The following TENM3 variants were observed in gnomAD, a reference collection of about 807,000 sequenced individuals.
TENM3 encodes teneurin transmembrane protein 3, also known as teneurin-3.
In TENM3, 63 loss-of-function variants were observed where a neutral mutation model predicts 255.1. The ratio of observed to expected loss-of-function variants is 0.25; its 90% CI spans 0.20 to 0.30. The LOEUF is 0.30. Ranked by LOEUF, TENM3 falls within the 10% of genes least tolerant of loss-of-function variation. TENM3 has a pLI of 1.00. For missense variants in TENM3, 2,929 were observed against 3,461.1 expected (o/e 0.85, Z 3.86); for synonymous variants, 1,306 against 1,322.3 (o/e 0.99, Z 0.27).
At chr4:182,520,586 T>C (rs1738470763) in intron 3 of TENM3, among the ~76,000 whole-genome samples, 3 of 152,228 alleles carry the variant, frequency 2.0e-5, no homozygotes, top group Admixed American at 2.0e-4. Context: ...CATTAAATTA[T>C]TCCTGCTAAG....
the TENM3 span, among the ~76,000 whole-genome samples, chr4:182,036,354 C>T: frequency 6.6e-6 from 1 of 152,140 alleles, no homozygotes; most frequent in African/African-American, 2.4e-5. Context: ...CCATGCCCGG[C>T]TAATTTTTGT....
chr4:181,636,350 G>C, the TENM3 span, among the ~76,000 whole-genome samples: 1 of 152,074 alleles, frequency 6.6e-6, no homozygotes, highest in African/African-American at 2.4e-5. Context: ...GCCATTTCTT[G>C]CTCTTCAGGC....
the TENM3 span, among the ~76,000 whole-genome samples, chr4:181,853,438 CTA>C: frequency 6.6e-6 from 1 of 152,150 alleles, no homozygotes; most frequent in Non-Finnish European, 1.5e-5. Context: ...ATAAATGATC[CTA>C]TAACATTTGC....
chr4:181,650,544 G>T, the TENM3 span, among the ~76,000 whole-genome samples: 2 of 152,108 alleles, frequency 1.3e-5, no homozygotes, highest in South Asian at 4.1e-4. Context: ...AGTTGTCATG[G>T]CTACAATCAC....
At chr4:182,332,318 T>G (rs1763810405) in intron 2 of TENM3, among the ~76,000 whole-genome samples, 1 of 152,042 alleles carries the variant, frequency 6.6e-6, no homozygotes, top group Admixed American at 6.6e-5. Context: ...TGGGAGACAG[T>G]GAAAGTCATA....
chr4:182,404,519 G>C (rs995856778), intron 3 of TENM3, among the ~76,000 whole-genome samples: 1 of 152,172 alleles, frequency 6.6e-6, no homozygotes, highest in Admixed American at 6.5e-5. Context: ...GAAGTTGACA[G>C]TGTATGCCTA....
chr4:181,782,014 G>T, the TENM3 span, among the ~76,000 whole-genome samples: 1 of 152,064 alleles, frequency 6.6e-6, no homozygotes, highest in Non-Finnish European at 1.5e-5. Context: ...TGCTGGATTC[G>T]GTTTGCCAGT....
intron 3 of TENM3, among the ~76,000 whole-genome samples, chr4:182,598,638 T>C (rs988255892): frequency 2.6e-5 from 4 of 152,244 alleles, no homozygotes; most frequent in Non-Finnish European, 5.9e-5. Flanking sequence ...TGCTTTATTT[T>C]ACCATTTACA....
At chr4:182,529,871 C>T (rs1057173678) in intron 3 of TENM3, among the ~76,000 whole-genome samples, 10 of 152,094 alleles carry the variant, frequency 6.6e-5, no homozygotes, top group Non-Finnish European at 1.3e-4. Context: ...CTTGTGTACA[C>T]GTGCCAAATG....
the TENM3 span, among the ~76,000 whole-genome samples, chr4:181,579,456 C>T: frequency 1.3e-5 from 2 of 152,156 alleles, no homozygotes; most frequent in African/African-American, 2.4e-5. Flanking sequence ...ACTATCTCTT[C>T]TGAGAAAATT....
chr4:182,235,859 G>A (rs945790172), intron 1 of TENM3, among the ~76,000 whole-genome samples: 1 of 152,232 alleles, frequency 6.6e-6, no homozygotes, highest in Admixed American at 6.5e-5. Flanking sequence ...CCTACCATGT[G>A]TAAGCACTGC....
At chr4:181,985,610 A>G in the TENM3 span, among the ~76,000 whole-genome samples, 1 of 152,136 alleles carries the variant, frequency 6.6e-6, no homozygotes, top group African/African-American at 2.4e-5. Context: ...GAGCAATGGG[A>G]GTAAACCTCA....
At chr4:182,078,919 G>A in the TENM3 span, among the ~76,000 whole-genome samples, 4 of 152,186 alleles carry the variant, frequency 2.6e-5, no homozygotes, top group African/African-American at 7.2e-5. Flanking sequence ...CAGGTGCCCA[G>A]ACCTACTCTT....
the TENM3 span, among the ~76,000 whole-genome samples, chr4:181,517,410 G>C: frequency 6.6e-6 from 1 of 152,282 alleles, no homozygotes; most frequent in African/African-American, 2.4e-5. Context: ...ACCCATAAAA[G>C]GTGGGGACAG....
At chr4:181,951,081 A>G in the TENM3 span, among the ~76,000 whole-genome samples, 2 of 152,172 alleles carry the variant, frequency 1.3e-5, no homozygotes, top group Admixed American at 1.3e-4. Flanking sequence ...AATAAAGAAG[A>G]TACAGCCATA....
chr4:181,708,530 G>A, the TENM3 span, among the ~76,000 whole-genome samples: 20 of 151,570 alleles, frequency 1.3e-4, no homozygotes, highest in South Asian at 4.2e-4. Context: ...GTTGTTTGGC[G>A]TTCTTTGGTT....
At chr4:181,467,527 T>C in the TENM3 span, among the ~76,000 whole-genome samples, 1 of 152,086 alleles carries the variant, frequency 6.6e-6, no homozygotes, top group South Asian at 2.1e-4. Context: ...TATTGTTCAA[T>C]TTCAATAAAT....
the TENM3 span, among the ~76,000 whole-genome samples, chr4:181,612,079 G>C: frequency 6.6e-6 from 1 of 152,102 alleles, no homozygotes; most frequent in East Asian, 1.9e-4. Context: ...GGGATCTCGT[G>C]TTCCTTTGCT....
intron 1 of TENM3, among the ~76,000 whole-genome samples, chr4:182,206,955 C>T (rs939231568): frequency 1.3e-5 from 2 of 152,170 alleles, no homozygotes; most frequent in Non-Finnish European, 2.9e-5. Flanking sequence ...GCTAATGTCA[C>T]GCACTCAACA....
Sources: allele counts gnomAD v4.1 joint callset (sites outside exome capture counted in the v4.1 genomes callset), GRCh38; gene constraint gnomAD v4.1.1; transcripts MANE v1.5; gene names NCBI Gene and HGNC (gene_info 2026-07-23, HGNC 2026-07-21).